TRMT11: variants seen among roughly 807,000 people sequenced by gnomAD.
The protein encoded by TRMT11 is tRNA methyltransferase 11.
A neutral mutation model predicts 62.8 loss-of-function variants in TRMT11; 53 were observed. That is an observed-to-expected ratio of 0.84 (90% CI 0.68 to 1.06). The LOEUF (loss-of-function observed/expected upper bound fraction) is 1.06. Among genes scored for constraint, TRMT11 ranks in the 50% least tolerant of loss-of-function variants. The pLI, the probability that TRMT11 is intolerant of heterozygous loss-of-function variation, is 0.00. For missense variants in TRMT11, 556 were observed against 553.4 expected (o/e 1.00, Z -0.05); for synonymous variants, 188 against 190.3 (o/e 0.99, Z 0.10).
intron 17 of TRMT11, among the ~76,000 whole-genome samples, chr6:126,089,337 C>A (rs1238821712): frequency 6.6e-6 from 1 of 152,160 alleles, no homozygotes; most frequent in African/African-American, 2.4e-5. Context: ...TGGTCTTGAA[C>A]TCCTGACCTC....
chr6:126,001,711 G>A (rs566483493), intron 7 of TRMT11, among the ~76,000 whole-genome samples: 13 of 152,046 alleles, frequency 8.6e-5, no homozygotes, highest in East Asian at 7.7e-4. Flanking sequence ...CACTCAGGTC[G>A]TCAGGTTTAG....
intron 17 of TRMT11, among the ~76,000 whole-genome samples, chr6:126,082,693 A>G (rs1444379131): frequency 6.6e-6 from 1 of 152,128 alleles, no homozygotes. Flanking sequence ...AACTTAATCA[A>G]ATTTATAAAA....
intron 1 of TRMT11, among the ~76,000 whole-genome samples, chr6:126,187,817 T>C (rs1382340611): frequency 1.3e-5 from 2 of 151,776 alleles, no homozygotes; most frequent in East Asian, 3.9e-4. Flanking sequence ...TAGACTCATG[T>C]ATATACAGTA....
At chr6:126,048,640 A>G (rs1477616347) in intron 16 of TRMT11, among the ~76,000 whole-genome samples, 1 of 152,202 alleles carries the variant, frequency 6.6e-6, no homozygotes, top group Non-Finnish European at 1.5e-5. Context: ...GGACATGGCA[A>G]CACATCCGCT....
chr6:126,044,913 C>T (rs891233557), intron 16 of TRMT11, among the ~76,000 whole-genome samples: 1 of 152,148 alleles, frequency 6.6e-6, no homozygotes, highest in African/African-American at 2.4e-5. Context: ...AGGCCAGGCA[C>T]AGTGGCTCAT....
chr6:126,151,583 C>T (rs143609062), intron 21 of TRMT11, among the ~76,000 whole-genome samples: 292 of 152,308 alleles, frequency 1.9e-3, no homozygotes, highest in African/African-American at 6.5e-3. Context: ...ACCTGAGCAC[C>T]GTGGGACCTG....
intron 12 of TRMT11, among the ~76,000 whole-genome samples, chr6:126,034,311 A>G (rs1011260373): frequency 6.6e-6 from 1 of 152,192 alleles, no homozygotes; most frequent in Non-Finnish European, 1.5e-5. Context: ...CGGAAAATTA[A>G]ATAATTATGT....
chr6:126,191,879 A>T (rs1181714293), intron 1 of TRMT11, among the ~76,000 whole-genome samples: 3 of 152,048 alleles, frequency 2.0e-5, no homozygotes, highest in Non-Finnish European at 4.4e-5. Context: ...AGGTAGTGTG[A>T]TTATTCCAGC....
At chr6:126,075,071 A>T (rs1004533956) in intron 17 of TRMT11, among the ~76,000 whole-genome samples, 2 of 152,166 alleles carry the variant, frequency 1.3e-5, no homozygotes, top group Admixed American at 1.3e-4. Flanking sequence ...CAGGGTGTCG[A>T]GTTTCTGCTA....
At chr6:126,118,100 C>G (rs896458413) in intron 21 of TRMT11, among the ~76,000 whole-genome samples, 3 of 152,112 alleles carry the variant, frequency 2.0e-5, no homozygotes, top group African/African-American at 7.2e-5. Context: ...CTGAGAGTCT[C>G]TCTCTTGAAG....
chr6:126,150,300 T>C (rs1349132373), intron 21 of TRMT11, among the ~76,000 whole-genome samples: 1 of 152,166 alleles, frequency 6.6e-6, no homozygotes, highest in Non-Finnish European at 1.5e-5. Flanking sequence ...CAGATGTGTC[T>C]CCTCAACCTT....
At chr6:126,102,792 A>G (rs908709951) in intron 17 of TRMT11, among the ~76,000 whole-genome samples, 1 of 152,156 alleles carries the variant, frequency 6.6e-6, no homozygotes, top group African/African-American at 2.4e-5. Flanking sequence ...ATAATAGCAA[A>G]CATGTATCAG....
intron 21 of TRMT11, among the ~76,000 whole-genome samples, chr6:126,120,832 A>G (rs912365286): frequency 2.0e-5 from 3 of 152,144 alleles, no homozygotes; most frequent in Non-Finnish European, 4.4e-5. Context: ...CCAAAGTTAT[A>G]TTAAATAGTT....
the TRMT11 span, among the ~76,000 whole-genome samples, chr6:126,211,797 A>G: frequency 1.3e-5 from 2 of 152,114 alleles, no homozygotes; most frequent in African/African-American, 4.8e-5. Context: ...CCAATTATAC[A>G]TTTAGTTATT....
rs893266971 is a variant in TRMT11 at position 126,115,851 on chromosome 6, G to T, written c.*1819G>T. ...CAGCAGTGACTTTTCACCCTGGAGT[G>T]GCAGGCAAGTTTCTAGATTATTTGA... is the stretch of plus-strand genomic sequence containing the variant. On this transcript the variant is annotated 3_prime_UTR_variant and NMD_transcript_variant, in exon 21 of 23. Transcript: ENST00000648977. Among the ~76,000 whole-genome samples, 6 of 151,938 alleles carry T rather than the reference G, an allele frequency of 3.9e-5. 1 individual carries two copies. The highest frequency in any genetic ancestry group is 3.9e-4 in the Admixed American group (6 of 15,238).
the TRMT11 span, among the ~76,000 whole-genome samples, chr6:126,269,933 T>C: frequency 6.6e-6 from 1 of 150,836 alleles, no homozygotes. Flanking sequence ...AGAGAGGGAG[T>C]GGTGGAAGGG....
chr6:126,213,520 T>G, the TRMT11 span, among the ~76,000 whole-genome samples: 4 of 152,104 alleles, frequency 2.6e-5, no homozygotes, highest in Non-Finnish European at 5.9e-5. Flanking sequence ...GTAAATGGGA[T>G]TACATTCTTG....
At chr6:126,203,919 T>G (rs922894258), downstream of TRMT11, among the ~76,000 whole-genome samples, 107 of 144,490 alleles carry the variant, frequency 7.4e-4, no homozygotes, top group African/African-American at 2.5e-3. Context: ...GATCATCATT[T>G]TGTGTGTGTG....
intron 21 of TRMT11, among the ~76,000 whole-genome samples, chr6:126,141,364 T>G (rs1483121183): frequency 3.3e-5 from 5 of 152,134 alleles, no homozygotes; most frequent in Non-Finnish European, 7.4e-5. Flanking sequence ...ATAAGTTAAA[T>G]AGTCAAAAGT....
Sources: allele counts gnomAD v4.1 joint callset (sites outside exome capture counted in the v4.1 genomes callset), GRCh38; gene constraint gnomAD v4.1.1; transcripts MANE v1.5; gene names NCBI Gene and HGNC (gene_info 2026-07-23, HGNC 2026-07-21).